ZSWIM6: variants seen among roughly 807,000 people sequenced by gnomAD.
ZSWIM6 encodes the protein zinc finger SWIM-type containing 6, also known as zinc finger SWIM domain-containing protein 6.
A neutral mutation model predicts 113.2 loss-of-function variants in ZSWIM6; 9 were observed. The ratio of observed to expected loss-of-function variants is 0.08; its 90% confidence interval spans 0.05 to 0.14. The LOEUF (loss-of-function observed/expected upper bound fraction) is 0.14. Ranked by LOEUF, ZSWIM6 falls within the 10% of genes least tolerant of loss-of-function variation. The probability of loss-of-function intolerance (pLI) is 1.00; values close to 1 mark genes in which losing one functional copy is unlikely to be tolerated. For missense variants in ZSWIM6, 1,162 were observed against 1,552.2 expected, an observed-to-expected ratio of 0.75 and a Z score of 4.22; for synonymous variants, 611 against 606.5, an observed-to-expected ratio of 1.01 and a Z score of -0.11.
In ZSWIM6 at chr5:61,545,198, T is replaced by C. The variant is rs1368367324; in HGVS notation, c.*881T>C. 1.3e-5 allele frequency: 2 copies of C among 151,918 alleles called. No individual in the cohort carries two copies. Among genetic ancestry groups the C allele is most frequent in the African/African-American group, 4.8e-5 (2 of 41,374 alleles). The allele number at this position is 151,918 out of a possible 1,614,324, so 9.4% of individuals were successfully genotyped here. On this transcript the variant is annotated 3_prime_UTR_variant, in exon 14 of 14. Coordinates refer to ENST00000252744, the MANE Select transcript of ZSWIM6 (RefSeq NM_020928.2). Reference sequence around the variant, plus strand: ...ATGCAGAGCCACCTTTTGGATTGCATGGTTGGACTGAGATCTATTGGGAGA... The same window carrying C: ...ATGCAGAGCCACCTTTTGGATTGCACGGTTGGACTGAGATCTATTGGGAGA...
At chr5:61,374,850 C>T (rs1400475336) in intron 1 of ZSWIM6, among the ~76,000 whole-genome samples, 1 of 152,148 alleles carries the variant, frequency 6.6e-6, no homozygotes, top group East Asian at 1.9e-4. Context: ...CTACCGCGCC[C>T]GGCAGGGTTG....
At chr5:61,434,204 T>A (rs1746650423) in intron 1 of ZSWIM6, among the ~76,000 whole-genome samples, 1 of 147,664 alleles carries the variant, frequency 6.8e-6, no homozygotes, top group Non-Finnish European at 1.5e-5. Context: ...AATATATGTA[T>A]AATATATATA....
At chr5:61,505,104 A>G (rs958040060) in intron 4 of ZSWIM6, among the ~76,000 whole-genome samples, 4 of 152,110 alleles carry the variant, frequency 2.6e-5, no homozygotes, top group Non-Finnish European at 5.9e-5. Context: ...AGTTATATAG[A>G]CTTTGGAGTC....
chr5:61,424,742 T>TC (rs1227603828), intron 1 of ZSWIM6, among the ~76,000 whole-genome samples: 1 of 151,768 alleles, frequency 6.6e-6, no homozygotes. Context: ...TTTTTTTTTT[T>TC]TTGGAGATGG....
chr5:61,526,764 C>T (rs777784539), intron 7 of ZSWIM6, among the ~76,000 whole-genome samples: 2 of 152,106 alleles, frequency 1.3e-5, no homozygotes, highest in African/African-American at 4.8e-5. Flanking sequence ...TGCTTGAATC[C>T]CGGCAATCCT....
At chr5:61,464,223 T>C (rs1747382488) in intron 1 of ZSWIM6, among the ~76,000 whole-genome samples, 1 of 142,104 alleles carries the variant, frequency 7.0e-6, no homozygotes, top group Non-Finnish European at 1.5e-5. Context: ...TATCTCCATG[T>C]TGGCCAGGCT....
rs1361044654 is a variant in ZSWIM6, at chr5:61,431,354, A to G, written c.677-41327A>G. On this transcript the variant is annotated intron_variant, in intron 1 of 13. Transcript: ENST00000252744. ...TGCCACTGCACTCCAGCCTGGCGAC[A>G]GAGCAAGACTCCATCTCCAAAAAAA... 2.2e-5 allele frequency among the ~76,000 whole-genome samples: 3 copies of G among 137,042 alleles called. No individual in the cohort carries two copies. The Admixed American group carries it at 2.3e-4, about 10-fold the overall frequency. The allele number at this position is 137,042 out of a possible 152,430, so 89.9% of individuals were successfully genotyped here.
At chr5:61,420,505 A>C (rs1194912980) in intron 1 of ZSWIM6, among the ~76,000 whole-genome samples, 3 of 149,686 alleles carry the variant, frequency 2.0e-5, no homozygotes, top group Non-Finnish European at 4.5e-5. Flanking sequence ...TTTTTTTTTG[A>C]TATCACAGTG....
intron 12 of ZSWIM6, among the ~76,000 whole-genome samples, chr5:61,540,823 A>C (rs549400345): frequency 6.6e-6 from 1 of 152,082 alleles, no homozygotes; most frequent in South Asian, 2.1e-4. Context: ...GAACCTAAGA[A>C]GGAATCTCAC....
At chr5:61,350,472 TC>T (rs1744759431) in intron 1 of ZSWIM6, among the ~76,000 whole-genome samples, 1 of 152,206 alleles carries the variant, frequency 6.6e-6, no homozygotes, top group Non-Finnish European at 1.5e-5. Context: ...GAGATACATT[TC>T]TGTCTGTATC....
In ZSWIM6 at chr5:61,332,327, GGCGGCGGCGGCGGCGGCGGGGGCAGCA is replaced by G. The variant is rs1238074721; in HGVS notation, c.74_100del (p.Gly25_Gly33del). On this transcript the variant is annotated inframe_deletion, in exon 1 of 14. Transcript: ENST00000252744. ...CGCGAAACGGCTTTGCTGCCGGCCGGGCGGCGGCGGCGGCGGCGGGGGCAGCAGCGGCGGCGGCGGCGGCGCGGGTGG... is the reference window on the plus strand; with the variant it reads ...CGCGAAACGGCTTTGCTGCCGGCCGGGCGGCGGCGGCGGCGGCGCGGGTGG... The G allele has an allele frequency of 2.5e-4, 201 of 809,216 alleles. No individual in the cohort carries two copies. The highest frequency in any genetic ancestry group is 2.1e-3 in the African/African-American group (99 of 47,288). The allele number at this position is 809,216 out of a possible 1,614,324, so 50.1% of individuals were successfully genotyped here.
rs191623048 is a variant in ZSWIM6 at position 61,530,341 on chromosome 5, A to G, written c.1984+143A>G. 2.1e-4 allele frequency: 172 copies of G among 820,298 alleles called. 1 individual carries two copies. In the African/African-American group the frequency reaches 2.9e-3, roughly 14 times the overall value. 50.8% of individuals were successfully genotyped at this position (820,298 alleles called of 1,614,324 possible). On this transcript the variant is annotated intron_variant, in intron 8 of 13. Coordinates refer to ENST00000252744, the MANE Select transcript of ZSWIM6 (RefSeq NM_020928.2). Reference sequence around the variant, plus strand: ...TTAGCAAGAGAGCAAGAAAATGGGCACTGTCATGCTTTCACGCAGGCTGCT... The same window carrying G: ...TTAGCAAGAGAGCAAGAAAATGGGCGCTGTCATGCTTTCACGCAGGCTGCT...
chr5:61,431,752 A>AG (rs1263227054), intron 1 of ZSWIM6, among the ~76,000 whole-genome samples: 1 of 152,208 alleles, frequency 6.6e-6, no homozygotes, highest in Non-Finnish European at 1.5e-5. Context: ...CTCAAAAAAA[A>AG]CAAAACAAAA....
chr5:61,341,678 G>A (rs1456688058), intron 1 of ZSWIM6, among the ~76,000 whole-genome samples: 1 of 152,084 alleles, frequency 6.6e-6, no homozygotes, highest in African/African-American at 2.4e-5. Context: ...TCAACTTAGT[G>A]TATATATGAA....
chr5:61,385,132 C>CT (rs1231381133), intron 1 of ZSWIM6, among the ~76,000 whole-genome samples: 3 of 152,182 alleles, frequency 2.0e-5, no homozygotes, highest in Non-Finnish European at 1.5e-5. Flanking sequence ...CCTTCCATCT[C>CT]TAAGGTGCAG....
chr5:61,339,281 C>T (rs1744480864), intron 1 of ZSWIM6, among the ~76,000 whole-genome samples: 1 of 152,160 alleles, frequency 6.6e-6, no homozygotes, highest in South Asian at 2.1e-4. Flanking sequence ...TGGTACACCG[C>T]TGTAATCCCA....
At chr5:61,358,315 A>T (rs958636722) in intron 1 of ZSWIM6, among the ~76,000 whole-genome samples, 21 of 152,236 alleles carry the variant, frequency 1.4e-4, no homozygotes, top group African/African-American at 4.6e-4. Context: ...GCAAAAAATC[A>T]TGTATTTCCT....
intron 4 of ZSWIM6, among the ~76,000 whole-genome samples, chr5:61,509,673 A>G (rs1005122510): frequency 2.0e-5 from 3 of 152,180 alleles, no homozygotes; most frequent in Non-Finnish European, 4.4e-5. Context: ...TCTACAGGAA[A>G]ACAAAACACA....
At chr5:61,517,939 T>TCCCCCCG (rs1749000754) in intron 4 of ZSWIM6, among the ~76,000 whole-genome samples, 1 of 75,520 alleles carries the variant, frequency 1.3e-5, no homozygotes. Flanking sequence ...ATGCTATCCC[T>TCCCCCCG]CCCCCCACCC....
Sources: gnomAD v4.1 joint callset for allele counts (sites outside exome capture counted in the v4.1 genomes callset) on GRCh38, gnomAD v4.1.1 for gene constraint, MANE v1.5 for transcripts, NCBI Gene and HGNC (gene_info 2026-07-23, HGNC 2026-07-21) for gene names.